Variants in EPHB1 observed in about 807,000 individuals in gnomAD.
EPHB1 encodes ephrin type-B receptor 1.
Under a neutral mutation model 94.4 loss-of-function variants are expected in EPHB1, and 30 were observed. The observed-to-expected ratio is 0.32, with a 90% CI of 0.24 to 0.43. EPHB1 has a LOEUF of 0.43. Ranked by LOEUF, EPHB1 falls within the 20% of genes least tolerant of loss-of-function variation. EPHB1 has a pLI of 1.00. For missense variants in EPHB1, 1,055 were observed against 1,308.3 expected, an observed-to-expected ratio of 0.81 and a Z score of 2.99; for synonymous variants, 522 against 489.1, an observed-to-expected ratio of 1.07 and a Z score of -0.89.
chr3:134,837,325 A>AG (rs532152805), intron 1 of EPHB1, among the ~76,000 whole-genome samples: 27 of 152,378 alleles, frequency 1.8e-4, no homozygotes, highest in African/African-American at 6.0e-4. Flanking sequence ...TTACAAAAAA[A>AG]CAAGTTAATA....
Position 135,179,758 on chromosome 3 carries a change from G to C in EPHB1, c.1760-102G>C, listed in dbSNP as rs1221134849. ...AAAAGTTGCAGCCTGGTGTGTAGGA[G>C]AGCTCCTCCCAGGAATGCCCTTAGT... On this transcript the variant is annotated intron_variant, in intron 9 of 15. Transcript: ENST00000398015. 5 of 1,423,446 alleles carry C rather than the reference G, an allele frequency of 3.5e-6. No individual in the cohort carries two copies. The Admixed American group carries it at 7.4e-5, about 21-fold the overall frequency. 88.2% of individuals were successfully genotyped at this position (1,423,446 alleles called of 1,614,324 possible). A position where few individuals can be genotyped will look rare whatever the true frequency, so the allele number is the denominator to read the frequency against.
chr3:134,970,558 T>C (rs909229136), intron 3 of EPHB1, among the ~76,000 whole-genome samples: 5 of 152,204 alleles, frequency 3.3e-5, no homozygotes, highest in African/African-American at 1.2e-4. Flanking sequence ...CTCACTAGTA[T>C]GTAGGCTATA....
chr3:135,004,193 T>G (rs562349118), intron 3 of EPHB1, among the ~76,000 whole-genome samples: 2 of 151,518 alleles, frequency 1.3e-5, no homozygotes, highest in Admixed American at 6.6e-5. Flanking sequence ...GTCTGTAAAG[T>G]ATTTTATTTC....
intron 9 of EPHB1, among the ~76,000 whole-genome samples, chr3:135,170,004 C>T (rs535988132): frequency 6.6e-5 from 10 of 152,198 alleles, no homozygotes; most frequent in Non-Finnish European, 1.5e-4. Context: ...AATGTGTGCA[C>T]ATAACTATAT....
chr3:135,075,050 T>G (rs1400854000), intron 3 of EPHB1, among the ~76,000 whole-genome samples: 1 of 152,150 alleles, frequency 6.6e-6, no homozygotes, highest in Non-Finnish European at 1.5e-5. Flanking sequence ...CCAACCAGGT[T>G]AGGAAAGATT....
intron 3 of EPHB1, among the ~76,000 whole-genome samples, chr3:135,058,322 G>A (rs1010854580): frequency 3.3e-5 from 5 of 152,198 alleles, no homozygotes; most frequent in South Asian, 2.1e-4. Flanking sequence ...TGGGAATGGC[G>A]GCCCGCCTGG....
At chr3:135,127,327 C>T (rs1221683671) in intron 4 of EPHB1, among the ~76,000 whole-genome samples, 2 of 152,172 alleles carry the variant, frequency 1.3e-5, no homozygotes, top group African/African-American at 4.8e-5. Flanking sequence ...GGGAGGGCCC[C>T]ACCTCTGGCC....
chr3:134,806,706 CTCAT>C (rs1174469808), intron 1 of EPHB1, among the ~76,000 whole-genome samples: 1 of 152,122 alleles, frequency 6.6e-6, no homozygotes, highest in Non-Finnish European at 1.5e-5. Context: ...GATATGATAC[CTCAT>C]TCATTCAACA....
intron 3 of EPHB1, among the ~76,000 whole-genome samples, chr3:135,053,052 T>A (rs1212154705): frequency 7.2e-6 from 1 of 137,958 alleles, no homozygotes; most frequent in African/African-American, 2.8e-5. Flanking sequence ...TATATATATA[T>A]ATAAAGTTGG....
intron 1 of EPHB1, among the ~76,000 whole-genome samples, chr3:134,881,061 C>A (rs1158841559): frequency 6.6e-6 from 1 of 152,066 alleles, no homozygotes; most frequent in Admixed American, 6.5e-5. Context: ...AGTCTGAGCA[C>A]TCTGTTCTAG....
rs199975248 is a variant in EPHB1 at position 135,129,491 on chromosome 3, G to A, written c.962-3223G>A. On this transcript the variant is annotated intron_variant, in intron 4 of 15. Transcript: ENST00000398015. ...CCTACAGCAAGGCATCCTGTCTCAC[G>A]CTGGAGAGGGGTATATACATGGGAC... 3.9e-5 allele frequency among the ~76,000 whole-genome samples: 6 copies of A among 152,292 alleles called. No homozygotes were observed. The East Asian group carries it at 5.8e-4, about 15-fold the overall frequency.
intron 4 of EPHB1, among the ~76,000 whole-genome samples, chr3:135,114,345 A>T (rs909546658): frequency 6.6e-6 from 1 of 151,854 alleles, no homozygotes; most frequent in Non-Finnish European, 1.5e-5. Flanking sequence ...TTCATTTCCT[A>T]TTCCATAAAA....
intron 12 of EPHB1, among the ~76,000 whole-genome samples, chr3:135,239,281 T>G (rs1055429736): frequency 6.2e-5 from 8 of 130,046 alleles, no homozygotes; most frequent in African/African-American, 2.2e-4. Context: ...CTTTGCTGTT[T>G]GCTCCTTTTT....
At chr3:134,876,407 A>T (rs767986381) in intron 1 of EPHB1, among the ~76,000 whole-genome samples, 6 of 152,160 alleles carry the variant, frequency 3.9e-5, no homozygotes, top group Non-Finnish European at 8.8e-5. Flanking sequence ...AGGAAAAGGA[A>T]ATTTATTGCT....
chr3:134,804,225 T>C (rs1487984770), intron 1 of EPHB1, among the ~76,000 whole-genome samples: 1 of 151,944 alleles, frequency 6.6e-6, no homozygotes, highest in Admixed American at 6.6e-5. Flanking sequence ...CTCAGAATCA[T>C]GGTGGGAGGT....
At chr3:135,006,387 A>G (rs6805509) in intron 3 of EPHB1, among the ~76,000 whole-genome samples, 5,484 of 152,252 alleles carry the variant, frequency 0.036, 328 homozygotes, top group African/African-American at 0.13. Flanking sequence ...AATGTTCTGG[A>G]TATAGATAGT....
In EPHB1 at chr3:134,821,534, G is replaced by T. The variant is rs537791917; in HGVS notation, c.58+25845G>T. On this transcript the variant is annotated intron_variant, in intron 1 of 15. Transcript: ENST00000398015. ...AAAGATAAAAGGTGGATGGGGTGGG[G>T]AGACAGAATTAGTGGTGAAAAAAGG... Among the ~76,000 whole-genome samples the T allele has an allele frequency of 1.2e-4, 18 of 152,222 alleles. No individual in the cohort carries two copies. In the South Asian group the frequency reaches 3.5e-3, roughly 30 times the overall value.
intron 5 of EPHB1, among the ~76,000 whole-genome samples, chr3:135,145,396 C>T (rs1477011015): frequency 1.3e-5 from 2 of 152,146 alleles, no homozygotes; most frequent in Admixed American, 6.5e-5. Flanking sequence ...CTCATAGCTT[C>T]TAGGATCTCA....
chr3:135,231,739 G>A (rs1559884030), intron 12 of EPHB1, among the ~76,000 whole-genome samples: 2 of 152,172 alleles, frequency 1.3e-5, no homozygotes, highest in Admixed American at 1.3e-4. Flanking sequence ...AGCAGCTAAT[G>A]CTATGTGTCT....
Sources: allele counts gnomAD v4.1 joint callset (sites outside exome capture counted in the v4.1 genomes callset), GRCh38; gene constraint gnomAD v4.1.1; transcripts MANE v1.5; gene names NCBI Gene and HGNC (gene_info 2026-07-23, HGNC 2026-07-21).